The following AP4E1 variants were observed in gnomAD, a reference collection of about 807,000 sequenced individuals.
AP4E1 encodes AP-4 complex subunit epsilon-1.
AP4E1 carries 56 observed loss-of-function variants against 128.2 expected under a neutral mutation model. The ratio of observed to expected loss-of-function variants is 0.44; its 90% CI spans 0.35 to 0.55. The LOEUF (loss-of-function observed/expected upper bound fraction) is 0.55. AP4E1 is among the 20% of genes least tolerant of loss of function. AP4E1 has a pLI of 0.00. For synonymous variants in AP4E1, 484 were observed against 473.1 expected, an observed-to-expected ratio of 1.02 and a Z score of -0.30; for missense variants, 1,324 against 1,307.7, an observed-to-expected ratio of 1.01 and a Z score of -0.19.
Position 50,945,407 on chromosome 15 carries a change from T to G in AP4E1, c.1177-2613T>G, listed in dbSNP as rs1268394520. 3.9e-6 allele frequency: 3 copies of G among 778,294 alleles called. No homozygotes were observed. In the East Asian group the frequency reaches 7.3e-5, roughly 19 times the overall value. 48.2% of individuals were successfully genotyped at this position (778,294 alleles called of 1,614,324 possible). Reference sequence around the variant, plus strand: ...ACAAATACAGTTTGTTGGAACCCTATGGAAGCTTTCATTTTTACGGCAGCA... The same window carrying G: ...ACAAATACAGTTTGTTGGAACCCTAGGGAAGCTTTCATTTTTACGGCAGCA... On this transcript the variant is annotated intron_variant, in intron 10 of 20. Transcript: ENST00000261842.
At chr15:50,922,838 C>T (rs1343343080) in intron 3 of AP4E1, among the ~76,000 whole-genome samples, 3 of 150,596 alleles carry the variant, frequency 2.0e-5, no homozygotes, top group Non-Finnish European at 4.4e-5. Flanking sequence ...AGTGCAGTGG[C>T]GTGATCTTGG....
At chr15:50,917,812 A>G (rs2063647792) in intron 3 of AP4E1, among the ~76,000 whole-genome samples, 1 of 152,216 alleles carries the variant, frequency 6.6e-6, no homozygotes, top group Admixed American at 6.6e-5. Context: ...TAATAGTTAC[A>G]GTACAGGCCG....
At chr15:50,926,655 G>A (rs1596462540) in intron 5 of AP4E1, among the ~76,000 whole-genome samples, 1 of 151,358 alleles carries the variant, frequency 6.6e-6, no homozygotes, top group Non-Finnish European at 1.5e-5. Context: ...CTGGAGTGCA[G>A]TGGTGTGATC....
At chr15:50,943,004 A>C (rs925540241) in intron 10 of AP4E1, among the ~76,000 whole-genome samples, 21 of 152,108 alleles carry the variant, frequency 1.4e-4, no homozygotes, top group Non-Finnish European at 2.5e-4. Flanking sequence ...TAGTAAACAT[A>C]GTACTGGGTA....
intron 3 of AP4E1, 154 bp downstream of exon 3, chr15:50,915,725 C>A: frequency 1.1e-6 from 1 of 923,276 alleles, no homozygotes; most frequent in Non-Finnish European, 1.6e-6. Flanking sequence ...AAAGTCAAAG[C>A]CATTTATAGG....
chr15:50,960,382 A>T (rs563486343), intron 14 of AP4E1, among the ~76,000 whole-genome samples: 8 of 152,308 alleles, frequency 5.3e-5, no homozygotes, highest in African/African-American at 1.7e-4. Context: ...GCCACAAAAA[A>T]GTCTCAACAA....
At chr15:50,931,543 G>A (rs2063836332) in intron 7 of AP4E1, among the ~76,000 whole-genome samples, 1 of 152,080 alleles carries the variant, frequency 6.6e-6, no homozygotes, top group African/African-American at 2.4e-5. Flanking sequence ...TCCAGCCTGG[G>A]TGACAAAGCG....
intron 16 of AP4E1, among the ~76,000 whole-genome samples, chr15:50,988,755 A>C (rs1370886510): frequency 6.6e-6 from 1 of 152,170 alleles, no homozygotes; most frequent in Non-Finnish European, 1.5e-5. Context: ...CACCGTTGTA[A>C]AGCCAAAAAA....
chr15:50,953,978 T>C lies in AP4E1; in HGVS notation c.1548+3809T>C, dbSNP rs960572558. Among the ~76,000 whole-genome samples the C allele has an allele frequency of 2.6e-5, 4 of 152,230 alleles. No individual in the cohort carries two copies. In the East Asian group the frequency reaches 7.7e-4, roughly 29 times the overall value. On this transcript the variant is annotated intron_variant, in intron 13 of 20. Coordinates refer to ENST00000261842, the MANE Select transcript of AP4E1 (RefSeq NM_007347.5). ...GTGATCAGAAGCATGTTCCAATTGA[T>C]GGCAGTTGGGTTCAGTACTATTTTC...
intron 14 of AP4E1, 131 bp downstream of exon 14, chr15:50,958,925 T>A (rs16953045): frequency 1.4e-5 from 14 of 984,130 alleles, no homozygotes; most frequent in Non-Finnish European, 2.1e-5. Flanking sequence ...TTGGAGTTCC[T>A]TTTCACATTA....
rs768812662 is a variant in AP4E1 at position 50,993,557 on chromosome 15, G to A, written c.2278G>A (p.Glu760Lys). Residue 760 changes from glutamate (E) to lysine (K), a missense_variant, in exon 17 of 21, where the codon GAG (glutamate) becomes AAG (lysine). By Grantham distance (56) the Glu-to-Lys change is moderately conservative. Transcript: ENST00000261842. ...TCAAGTTCTTACCCAATCTAAAGAG[G>A]AGAAAGAAAAGCAGCTGCTGGCATC... ...QSQVLTQSKE[E>K]KEKQLLASSL... is the part of the protein sequence containing the mutation. 1 of 1,613,972 alleles carries A rather than the reference G, an allele frequency of 6.2e-7. No homozygotes were observed. Among genetic ancestry groups the A allele is most frequent in the Non-Finnish European group, 8.5e-7 (1 of 1,179,938 alleles).
intron 8 of AP4E1, among the ~76,000 whole-genome samples, chr15:50,934,933 G>A (rs1384941510): frequency 6.6e-6 from 1 of 151,822 alleles, no homozygotes; most frequent in African/African-American, 2.4e-5. Context: ...TGTCTCTATT[G>A]AAAACACATA....
chr15:50,960,574 T>C (rs1421760982), intron 14 of AP4E1, among the ~76,000 whole-genome samples: 1 of 152,018 alleles, frequency 6.6e-6, no homozygotes, highest in East Asian at 1.9e-4. Flanking sequence ...TTCTTGAATC[T>C]AATAAAAATG....
At chr15:50,998,913 C>A (rs2064918771) in intron 18 of AP4E1, among the ~76,000 whole-genome samples, 159 bp from the exon 19 acceptor site, 1 of 152,120 alleles carries the variant, frequency 6.6e-6, no homozygotes, top group African/African-American at 2.4e-5. Flanking sequence ...GTGAATTTTT[C>A]TCAAGTGAAG....
intron 3 of AP4E1, among the ~76,000 whole-genome samples, chr15:50,917,350 T>C (rs140852548): frequency 2.4e-4 from 37 of 152,334 alleles, no homozygotes; most frequent in African/African-American, 8.7e-4. Context: ...TTTCTTTGCC[T>C]CCCTCCCATC....
intron 17 of AP4E1, among the ~76,000 whole-genome samples, chr15:50,994,353 G>A (rs1475749159): frequency 6.6e-6 from 1 of 152,042 alleles, no homozygotes; most frequent in Non-Finnish European, 1.5e-5. Flanking sequence ...AACCCACCTT[G>A]TACAAAATTT....
At position 51,002,685 on chromosome 15, in the gene AP4E1, T is replaced by C. The variant is rs1282686041; in HGVS notation, c.*23T>C. On this transcript the variant is annotated 3_prime_UTR_variant, in exon 21 of 21. Coordinates refer to ENST00000261842, the MANE Select transcript of AP4E1 (RefSeq NM_007347.5). Reference sequence around the variant, plus strand: ...TAGCAGAAGCCCTGCTAAATTTTACTCCATCAAGATCAATGGTTTACATAG... The same window carrying C: ...TAGCAGAAGCCCTGCTAAATTTTACCCCATCAAGATCAATGGTTTACATAG... 1 of 1,613,428 alleles carries C rather than the reference T, an allele frequency of 6.2e-7. No individual in the cohort carries two copies. Among genetic ancestry groups the C allele is most frequent in the Non-Finnish European group, 8.5e-7 (1 of 1,179,704 alleles).
rs1321728361 is a variant in AP4E1 at position 50,946,021 on chromosome 15, A to G, written c.1177-1999A>G. On this transcript the variant is annotated intron_variant, in intron 10 of 20. Transcript: ENST00000261842. ...ATAATTAGTATTCCTAACAATCCTG[A>G]TGTACAATTATTTGTTACTTTTGAT... 3.4e-6 allele frequency: 3 copies of G among 871,338 alleles called. No individual in the cohort carries two copies. In the East Asian group the frequency reaches 7.4e-5, roughly 21 times the overall value. 54.0% of individuals were successfully genotyped at this position (871,338 alleles called of 1,614,324 possible). A position where few individuals can be genotyped will look rare whatever the true frequency, so the allele number is the denominator to read the frequency against.
chr15:50,955,705 G>A (rs1233438071), intron 13 of AP4E1, among the ~76,000 whole-genome samples: 1 of 152,224 alleles, frequency 6.6e-6, no homozygotes, highest in Admixed American at 6.5e-5. Context: ...GTGGAGGTGA[G>A]GTGCAGGCTC....
Sources: gnomAD v4.1 joint callset for allele counts (sites outside exome capture counted in the v4.1 genomes callset) on GRCh38, gnomAD v4.1.1 for gene constraint, MANE v1.5 for transcripts, NCBI Gene and HGNC (gene_info 2026-07-23, HGNC 2026-07-21) for gene names.